MLLT10: variants seen among roughly 807,000 people sequenced by gnomAD.
MLLT10 encodes MLLT10 histone lysine methyltransferase DOT1L cofactor.
A neutral mutation model predicts 129.1 loss-of-function variants in MLLT10; 30 were observed. That is an observed-to-expected ratio of 0.23 (90% CI 0.17 to 0.32). The LOEUF is 0.32. Ranked by LOEUF, MLLT10 falls within the 10% of genes least tolerant of loss-of-function variation. The pLI is 1.00. For synonymous variants in MLLT10, 490 were observed against 446.4 expected, an observed-to-expected ratio of 1.10 and a Z score of -1.23; for missense variants, 1,119 against 1,268.3, an observed-to-expected ratio of 0.88 and a Z score of 1.79.
chr10:21,712,203 C>CATTTATTTATTT (rs60779896), intron 13 of MLLT10, among the ~76,000 whole-genome samples: 101,475 of 150,110 alleles, frequency 0.68, 34,967 homozygotes, highest in East Asian at 0.88. Flanking sequence ...TCAATAACTT[C>CATTTATTTATTT]ATTTATTTAT....
intron 3 of MLLT10, among the ~76,000 whole-genome samples, chr10:21,543,374 G>A (rs2035541901): frequency 6.6e-6 from 1 of 152,210 alleles, no homozygotes; most frequent in Non-Finnish European, 1.5e-5. Flanking sequence ...ACCCGCCTCA[G>A]CCTCCCAAAG....
chr10:21,712,302 C>T (rs574050932), intron 13 of MLLT10, among the ~76,000 whole-genome samples: 1 of 152,176 alleles, frequency 6.6e-6, no homozygotes, highest in East Asian at 1.9e-4. Flanking sequence ...CAACCTTGAA[C>T]TTCCAGGCTC....
intron 9 of MLLT10, among the ~76,000 whole-genome samples, chr10:21,668,104 C>T (rs1450656343): frequency 1.3e-5 from 2 of 151,994 alleles, no homozygotes; most frequent in Non-Finnish European, 2.9e-5. Flanking sequence ...TTCAGTAGAG[C>T]ACCAAATGAA....
chr10:21,538,142 C>T (rs1288588011), intron 2 of MLLT10, among the ~76,000 whole-genome samples: 6 of 151,106 alleles, frequency 4.0e-5, no homozygotes, highest in South Asian at 2.1e-4. Flanking sequence ...CACATGCCAC[C>T]GTGCCCAGCT....
At chr10:21,587,053 G>A (rs2042057587) in intron 4 of MLLT10, among the ~76,000 whole-genome samples, 1 of 150,936 alleles carries the variant, frequency 6.6e-6, no homozygotes, top group Non-Finnish European at 1.5e-5. Flanking sequence ...TGTTTCTAGT[G>A]AATGTTAATT....
chr10:21,659,634 C>G (rs2049968777), intron 9 of MLLT10, among the ~76,000 whole-genome samples: 1 of 151,666 alleles, frequency 6.6e-6, no homozygotes, highest in African/African-American at 2.4e-5. Context: ...CCTCACCCTC[C>G]CGAGTAGCTG....
chr10:21,720,882 A>G (rs771428461), intron 14 of MLLT10, among the ~76,000 whole-genome samples: 10 of 152,200 alleles, frequency 6.6e-5, no homozygotes, highest in Non-Finnish European at 1.0e-4. Context: ...TATTAACTCA[A>G]TTCTCACAGT....
chr10:21,731,679 A>C (rs1312063303), intron 17 of MLLT10, among the ~76,000 whole-genome samples: 1 of 152,180 alleles, frequency 6.6e-6, no homozygotes, highest in East Asian at 1.9e-4. Context: ...TATGCTTATC[A>C]TCTATTGGAT....
chr10:21,717,253 C>CAAAAAA (rs747244556), intron 14 of MLLT10, among the ~76,000 whole-genome samples: 18 of 63,506 alleles, frequency 2.8e-4, no homozygotes, highest in East Asian at 1.9e-3. Flanking sequence ...AACTCCGTCT[C>CAAAAAA]AAAAAAAAAA....
intron 14 of MLLT10, among the ~76,000 whole-genome samples, chr10:21,725,745 T>A (rs1208046195): frequency 6.7e-6 from 1 of 149,960 alleles, no homozygotes; most frequent in Non-Finnish European, 1.5e-5. Flanking sequence ...AAATTGTAGT[T>A]ACGTAACTTT....
chr10:21,534,740 A>G lies in MLLT10; in HGVS notation c.96A>G (p.Arg32=). 1 of 1,613,110 alleles carries G rather than the reference A, an allele frequency of 6.2e-7. No individual in the cohort carries two copies. The highest frequency in any genetic ancestry group is 8.5e-7 in the Non-Finnish European group (1 of 1,179,410). The part of the protein sequence containing the change: ...IGGCCVCSDE[R]GWAENPLVYC... ...GCTGTTGCGTTTGCTCAGACGAGAG[A>G]GGCTGGGCCGAGAACCCGCTGGTTT... Residue 32 remains arginine, a synonymous_variant, in exon 2 of 23, where the codon AGA becomes AGG. Transcript: ENST00000307729.
At chr10:21,603,780 C>CA (rs1277971858) in intron 5 of MLLT10, among the ~76,000 whole-genome samples, 1 of 151,640 alleles carries the variant, frequency 6.6e-6, no homozygotes, top group African/African-American at 2.4e-5. Flanking sequence ...TCCATGCTTC[C>CA]TAGCTTCTAG....
intron 3 of MLLT10, among the ~76,000 whole-genome samples, chr10:21,552,206 G>C (rs905815615): frequency 2.0e-5 from 3 of 152,032 alleles, no homozygotes; most frequent in African/African-American, 7.2e-5. Flanking sequence ...GACTACAGGC[G>C]TGAGCTACCC....
intron 8 of MLLT10, among the ~76,000 whole-genome samples, chr10:21,621,159 ATTTTTTTTTTT>A (rs1180864625): frequency 6.1e-5 from 5 of 81,882 alleles, no homozygotes; most frequent in Non-Finnish European, 5.0e-5. Flanking sequence ...AATTTTTTGT[ATTTTTTTTTTT>A]TTTTTAGTAG....
chr10:21,696,159 T>TC (rs2054341036), intron 13 of MLLT10, among the ~76,000 whole-genome samples: 1 of 152,080 alleles, frequency 6.6e-6, no homozygotes, highest in Admixed American at 6.5e-5. Flanking sequence ...TGTTTGGCCT[T>TC]TAAGTTTTAT....
At chr10:21,556,397 C>T (rs1362916533) in intron 3 of MLLT10, among the ~76,000 whole-genome samples, 3 of 152,182 alleles carry the variant, frequency 2.0e-5, no homozygotes, top group Non-Finnish European at 2.9e-5. Flanking sequence ...TGATCATGAT[C>T]ACCTGTTTGG....
intron 14 of MLLT10, among the ~76,000 whole-genome samples, chr10:21,716,003 C>T (rs950665960): frequency 5.3e-5 from 8 of 152,248 alleles, no homozygotes; most frequent in Non-Finnish European, 1.0e-4. Flanking sequence ...GCTGCTGTAG[C>T]AACCATCAGT....
Position 21,742,600 on chromosome 10 carries a change from C to T in MLLT10, c.*617C>T, listed in dbSNP as rs1029622808. The T allele has an allele frequency of 4.5e-6, 1 of 220,220 alleles. No homozygotes were observed. The highest frequency in any genetic ancestry group is 9.1e-6 in the Non-Finnish European group (1 of 110,056). The allele number at this position is 220,220 out of a possible 1,614,324, so 13.6% of individuals were successfully genotyped here. A position where few individuals can be genotyped will look rare whatever the true frequency, so the allele number is the denominator to read the frequency against. ...GTTAGGATGGTAATGTCTGCATCTG[C>T]TAAAGGTAATTTTCTTTTGAGAATT... On this transcript the variant is annotated 3_prime_UTR_variant, in exon 23 of 23. Coordinates refer to ENST00000307729, the MANE Select transcript of MLLT10 (RefSeq NM_001195626.3).
intron 5 of MLLT10, among the ~76,000 whole-genome samples, chr10:21,610,152 TCCA>T (rs1378493185): frequency 7.2e-5 from 11 of 152,202 alleles, no homozygotes; most frequent in African/African-American, 2.7e-4. Flanking sequence ...TTCTTGTTTT[TCCA>T]GTTTGTTTCT....
Sources: allele counts gnomAD v4.1 joint callset (sites outside exome capture counted in the v4.1 genomes callset), GRCh38; gene constraint gnomAD v4.1.1; transcripts MANE v1.5; gene names NCBI Gene and HGNC (gene_info 2026-07-23, HGNC 2026-07-21).